TAF1D: variants seen among roughly 807,000 people sequenced by gnomAD.
TAF1D encodes TATA-box binding protein associated factor, RNA polymerase I subunit D.
TAF1D carries 23 observed loss-of-function variants against 26.2 expected under a neutral mutation model. The ratio of observed to expected loss-of-function variants is 0.88; its 90% confidence interval spans 0.63 to 1.25. TAF1D has a LOEUF of 1.25. TAF1D is among the 50% of genes most tolerant of loss of function. The pLI is 0.00. For synonymous variants in TAF1D, 100 were observed against 105.6 expected, an observed-to-expected ratio of 0.95 and a Z score of 0.33; for missense variants, 299 against 322.0, an observed-to-expected ratio of 0.93 and a Z score of 0.55.
intron 1 of TAF1D, among the ~76,000 whole-genome samples, chr11:93,741,037 G>T (rs560823602): frequency 2.0e-5 from 3 of 152,164 alleles, no homozygotes; most frequent in African/African-American, 7.2e-5. Flanking sequence ...ACATACGAAG[G>T]TTAAATCATT....
chr11:93,738,588 A>G (rs190519612), intron 2 of TAF1D, 89 bp from the exon 3 acceptor site: 28 of 1,319,044 alleles, frequency 2.1e-5, no homozygotes, highest in Non-Finnish European at 2.8e-5. Context: ...ATTTCTTCCA[A>G]GACCAACTCA....
At chr11:93,733,227 G>T, downstream of TAF1D, 1 of 519,074 alleles carries the variant, frequency 1.9e-6, no homozygotes, top group Non-Finnish European at 3.8e-6. Flanking sequence ...GCCATATCCA[G>T]CTCTGTCAGA....
intron 3 of TAF1D, 114 bp from the exon 4 acceptor site, chr11:93,737,353 T>C: frequency 3.1e-6 from 2 of 636,080 alleles, no homozygotes; most frequent in Non-Finnish European, 5.3e-6. Context: ...ATTTGCTATC[T>C]TAACTACTCC....
At position 93,737,099 on chromosome 11, in the gene TAF1D, A is replaced by G; in HGVS notation, c.600T>C (p.Asp200=). The G allele has an allele frequency of 6.2e-7, 1 of 1,608,982 alleles. No individual in the cohort carries two copies. The highest frequency in any genetic ancestry group is 1.3e-5 in the African/African-American group (1 of 74,912). ...CAATAGGAGAAATGGATCCATCATC[A>G]TCCAAAAATTTGTATCTACGACTGT... ...DFDSRRYKFL[D]DDGSISPIEE... Residue 200 remains aspartate (D), a synonymous_variant, in exon 4 of 6, where the codon GAT becomes GAC. Coordinates refer to ENST00000448108, the MANE Select transcript of TAF1D (RefSeq NM_024116.4).
intron 1 of TAF1D, among the ~76,000 whole-genome samples, chr11:93,739,961 CAAAAA>C (rs67574108): frequency 4.2e-4 from 35 of 82,420 alleles, no homozygotes; most frequent in African/African-American, 7.4e-4. Context: ...TACAACATAC[CAAAAA>C]AAAAAAAAAA....
rs1565243698 is a variant in TAF1D at position 93,738,190 on chromosome 11, A to G, written c.378T>C (p.Phe126=). ...IYSLIDKKKQ[F]RSRGSGFPFL... is the part of the protein sequence containing the mutation. The stretch of plus-strand genomic sequence containing the variant: ...ATGGGAAGCCAGATCCTCTGCTTCT[A>G]AATTGTTTCTTCTTATCTATTAGTG... Residue 126 remains phenylalanine, a synonymous_variant, in exon 3 of 6, where the codon TTT becomes TTC. Coordinates refer to ENST00000448108, the MANE Select transcript of TAF1D (RefSeq NM_024116.4). The G allele has an allele frequency of 9.4e-6, 15 of 1,588,708 alleles. No homozygotes were observed. Among genetic ancestry groups the G allele is most frequent in the Non-Finnish European group, 1.3e-5 (15 of 1,173,484 alleles).
Position 93,736,005 on chromosome 11 carries a change from C to G in TAF1D, c.*156G>C. 1.4e-6 allele frequency: 2 copies of G among 1,391,960 alleles called. No homozygotes were observed. The highest frequency in any genetic ancestry group is 1.9e-6 in the Non-Finnish European group (2 of 1,076,892). 86.2% of individuals were successfully genotyped at this position (1,391,960 alleles called of 1,614,324 possible). A position where few individuals can be genotyped will look rare whatever the true frequency, so the allele number is the denominator to read the frequency against. On this transcript the variant is annotated 3_prime_UTR_variant, in exon 6 of 6. Transcript: ENST00000448108. ...CTACTTCACAAGTTTCTTTCACAAA[C>G]TTCTTCACAGGGTTAAAAATTTTTT...
At chr11:93,732,206 G>A, downstream of TAF1D, 1 of 492,378 alleles carries the variant, frequency 2.0e-6, no homozygotes, top group Non-Finnish European at 4.1e-6. Flanking sequence ...TACTGATAGA[G>A]GGAAACAAGC....
At chr11:93,739,591 T>A (rs1335108560) in intron 1 of TAF1D, among the ~76,000 whole-genome samples, 1 of 152,186 alleles carries the variant, frequency 6.6e-6, no homozygotes, top group Non-Finnish European at 1.5e-5. Flanking sequence ...AACAAAAGCA[T>A]CTTTCAATAT....
At chr11:93,737,629 A>C (rs964737289) in intron 3 of TAF1D, among the ~76,000 whole-genome samples, 1 of 152,228 alleles carries the variant, frequency 6.6e-6, no homozygotes, top group South Asian at 2.1e-4. Flanking sequence ...ATTAATTCTG[A>C]ATTCATTCAA....
chr11:93,734,786 TTTC>T, downstream of TAF1D: 1 of 1,251,452 alleles, frequency 8.0e-7, no homozygotes, highest in Non-Finnish European at 1.0e-6. Flanking sequence ...TCAACCTTTT[TTTC>T]TTAAGAGACA....
chr11:93,740,439 A>G (rs1469197912), intron 1 of TAF1D, among the ~76,000 whole-genome samples: 67 of 4,738 alleles, frequency 0.014, no homozygotes, highest in South Asian at 0.071. Flanking sequence ...TCAGGAAAAA[A>G]AAAAAAAAAA....
chr11:93,731,631 A>G, downstream of TAF1D: 2 of 508,320 alleles, frequency 3.9e-6, no homozygotes, highest in Non-Finnish European at 7.8e-6. Flanking sequence ...TTTTACTCCT[A>G]AGTGGTGATA....
downstream of TAF1D, chr11:93,732,264 G>A (rs193134551): frequency 7.0e-5 from 34 of 482,520 alleles, no homozygotes; most frequent in African/African-American, 5.5e-4. Context: ...TAGGTGGTGG[G>A]GATCTACCTG....
chr11:93,737,277 ATTT>A, intron 3 of TAF1D, 38 bp from the exon 4 acceptor site: 1 of 1,473,008 alleles, frequency 6.8e-7, no homozygotes, highest in Non-Finnish European at 9.2e-7. Context: ...TCGAGATTTT[ATTT>A]TTAAGACCCA....
At chr11:93,731,590 A>C (rs1938860306), downstream of TAF1D, 1 of 518,682 alleles carries the variant, frequency 1.9e-6, no homozygotes, top group Non-Finnish European at 3.8e-6. Flanking sequence ...AATGAAGTTT[A>C]AACACATAAT....
At chr11:93,736,923 A>C in intron 4 of TAF1D, 141 bp downstream of exon 4, 3 of 1,103,346 alleles carry the variant, frequency 2.7e-6, no homozygotes, top group Admixed American at 6.4e-5. Context: ...GCTTGGCTCA[A>C]CTGTAATAAT....
downstream of TAF1D, chr11:93,734,781 C>T: frequency 3.2e-6 from 4 of 1,255,156 alleles, no homozygotes; most frequent in South Asian, 1.3e-5. Flanking sequence ...TGGAATCAAC[C>T]TTTTTTTCTT....
chr11:93,739,381 C>G, intron 1 of TAF1D, 50 bp from the exon 2 acceptor site: 1 of 1,266,840 alleles, frequency 7.9e-7, no homozygotes, highest in Non-Finnish European at 1.1e-6. Flanking sequence ...TAAATATTGA[C>G]AGTATCTACT....
Sources: allele counts gnomAD v4.1 joint callset (sites outside exome capture counted in the v4.1 genomes callset), GRCh38; gene constraint gnomAD v4.1.1; transcripts MANE v1.5; gene names NCBI Gene and HGNC (gene_info 2026-07-23, HGNC 2026-07-21).